The following N4BP1 variants were observed in gnomAD, a reference collection of about 807,000 sequenced individuals.
The protein encoded by N4BP1 is NEDD4-binding protein 1.
N4BP1 carries 21 observed loss-of-function variants against 70.9 expected under a neutral mutation model. The observed-to-expected ratio is 0.30, with a 90% confidence interval of 0.21 to 0.43. N4BP1 has a LOEUF of 0.43. N4BP1 is among the 20% of genes least tolerant of loss of function. N4BP1 has a pLI of 1.00. For synonymous variants in N4BP1, 387 were observed against 394.6 expected (o/e 0.98, Z 0.23); for missense variants, 936 against 1,069.4 (o/e 0.88, Z 1.74).
rs1964659667 is a variant in N4BP1, at chr16:48,609,985, C to G, written c.-13G>C. 8.4e-7 allele frequency: 1 copy of G among 1,192,492 alleles called. No homozygotes were observed. Among genetic ancestry groups the G allele is most frequent in the African/African-American group, 1.6e-5 (1 of 62,480 alleles). The allele number at this position is 1,192,492 out of a possible 1,614,324, so 73.9% of individuals were successfully genotyped here. On this transcript the variant is annotated 5_prime_UTR_variant, in exon 1 of 7. Coordinates refer to ENST00000262384, the MANE Select transcript of N4BP1 (RefSeq NM_153029.4). The stretch of plus-strand genomic sequence containing the variant: ...CCCGGGCCGCCATGGCGGGCGCGGC[C>G]TCCCGCGGCGGCGCCGGGGGCCGGC...
chr16:48,557,755 CT>C (rs1399396147), intron 2 of N4BP1, among the ~76,000 whole-genome samples: 2 of 152,100 alleles, frequency 1.3e-5, no homozygotes, highest in East Asian at 3.8e-4. Context: ...AATAGTGAGA[CT>C]TTACCTCTTA....
At chr16:48,609,679 C>G in intron 1 of N4BP1, 96 bp downstream of exon 1, 1 of 1,073,718 alleles carries the variant, frequency 9.3e-7, no homozygotes, top group Non-Finnish European at 1.2e-6. Flanking sequence ...CCAACCCAGG[C>G]GCATCGCGGC....
At position 48,540,959 on chromosome 16, in the gene N4BP1, G is replaced by C. The variant is rs1315731460; in HGVS notation, c.*1945C>G. ...TGAGCAATCCTTCCTTCCCATAGCC[G>C]AGAAAGGGAAAGGGGACAGGCCAAT... On this transcript the variant is annotated 3_prime_UTR_variant, in exon 7 of 7. Transcript: ENST00000262384. 1 of 152,198 alleles carries C rather than the reference G, an allele frequency of 6.6e-6. No homozygotes were observed. The highest frequency in any genetic ancestry group is 2.4e-5 in the African/African-American group (1 of 41,432). The allele number at this position is 152,198 out of a possible 1,614,324, so 9.4% of individuals were successfully genotyped here.
At chr16:48,557,595 A>C (rs1376685706) in intron 2 of N4BP1, among the ~76,000 whole-genome samples, 1 of 152,102 alleles carries the variant, frequency 6.6e-6, no homozygotes, top group Non-Finnish European at 1.5e-5. Flanking sequence ...AAAAATCTAA[A>C]CTGGCCACTG....
chr16:48,602,980 TCA>T (rs3055657), intron 1 of N4BP1, among the ~76,000 whole-genome samples: 3 of 151,176 alleles, frequency 2.0e-5, no homozygotes, highest in Non-Finnish European at 4.4e-5. Flanking sequence ...AAACCCTATC[TCA>T]CACACACACA....
At chr16:48,584,926 T>C (rs1318958861) in intron 1 of N4BP1, among the ~76,000 whole-genome samples, 1 of 152,164 alleles carries the variant, frequency 6.6e-6, no homozygotes, top group Non-Finnish European at 1.5e-5. Flanking sequence ...GTGTAGAATA[T>C]AATAAATCTA....
intron 1 of N4BP1, among the ~76,000 whole-genome samples, chr16:48,579,918 T>TATAC (rs1248523926): frequency 1.4e-4 from 21 of 151,932 alleles, no homozygotes; most frequent in African/African-American, 4.8e-4. Context: ...GTATAACAAC[T>TATAC]ATACATACAT....
intron 1 of N4BP1, among the ~76,000 whole-genome samples, chr16:48,583,413 T>A (rs115342068): frequency 0.017 from 2,547 of 152,272 alleles, 74 homozygotes; most frequent in African/African-American, 0.058. Context: ...GGGGAAGGGA[T>A]TCTGGAGATG....
chr16:48,543,137 A>G lies in N4BP1; in HGVS notation c.2458T>C (p.Ser820Pro), dbSNP rs778622949. ...GGCTGCTGAGGGAGCCAGTGGCTTGAAGGGGCTCCCTGAATCCGGGTCGGA... is the reference window on the plus strand; with the variant it reads ...GGCTGCTGAGGGAGCCAGTGGCTTGGAGGGGCTCCCTGAATCCGGGTCGGA... ...QPPTRIQGAP[S>P]SHWLPQQPHF... Residue 820 changes from serine (S) to proline (P), a missense_variant, in exon 7 of 7, where the codon TCA (serine) becomes CCA (proline). Around this residue, in one of 4 missense-constraint regions of N4BP1, gnomAD observed 229 missense variants for 343.5 expected, o/e 0.67. Transcript: ENST00000262384. 2 of 1,607,542 alleles carry G rather than the reference A, an allele frequency of 1.2e-6. No homozygotes were observed. Among genetic ancestry groups the G allele is most frequent in the Non-Finnish European group, 1.7e-6 (2 of 1,174,758 alleles).
chr16:48,569,372 T>C (rs994500207), intron 1 of N4BP1, among the ~76,000 whole-genome samples: 1 of 152,166 alleles, frequency 6.6e-6, no homozygotes, highest in Non-Finnish European at 1.5e-5. Flanking sequence ...AGTTCAGTTT[T>C]CAAAGCCCTG....
chr16:48,563,884 T>C (rs1963898552), intron 1 of N4BP1, among the ~76,000 whole-genome samples: 1 of 152,198 alleles, frequency 6.6e-6, no homozygotes, highest in Non-Finnish European at 1.5e-5. Flanking sequence ...ATTTCAAACA[T>C]TTAGCATTTC....
intron 1 of N4BP1, among the ~76,000 whole-genome samples, chr16:48,585,112 T>TA (rs1213130276): frequency 6.6e-6 from 1 of 151,924 alleles, no homozygotes; most frequent in African/African-American, 2.4e-5. Context: ...TTTTGTACTT[T>TA]TAGTAGAGAT....
In N4BP1 at chr16:48,571,687, C is replaced by A. The variant is rs144727801; in HGVS notation, c.199-9243G>T. On this transcript the variant is annotated intron_variant, in intron 1 of 6. Transcript: ENST00000262384. The stretch of plus-strand genomic sequence containing the variant: ...AAAGAAATCAGAATAGAAATGTGGG[C>A]AAATTAAGAATATGATGGCAAAAAT... 7.5e-3 allele frequency among the ~76,000 whole-genome samples: 1,134 copies of A among 151,518 alleles called. 11 individuals carry two copies. Among genetic ancestry groups the A allele is most frequent in the African/African-American group, 0.025 (1,041 of 41,302 alleles).
chr16:48,565,617 T>C (rs1450078243), intron 1 of N4BP1, among the ~76,000 whole-genome samples: 1 of 152,210 alleles, frequency 6.6e-6, no homozygotes, highest in Non-Finnish European at 1.5e-5. Context: ...TTGTCTGCGT[T>C]TACCATCAGA....
chr16:48,560,654 CT>C, intron 2 of N4BP1, 99 bp downstream of exon 2: 1 of 1,440,912 alleles, frequency 6.9e-7, no homozygotes. Flanking sequence ...TACAGATCAA[CT>C]ATATACAACA....
At chr16:48,560,030 AC>A (rs1963829570) in intron 2 of N4BP1, among the ~76,000 whole-genome samples, 1 of 152,052 alleles carries the variant, frequency 6.6e-6, no homozygotes, top group Non-Finnish European at 1.5e-5. Flanking sequence ...CCCAAATCAA[AC>A]AGCTGGTCCA....
chr16:48,568,029 C>T (rs1178175443), intron 1 of N4BP1, among the ~76,000 whole-genome samples: 3 of 152,146 alleles, frequency 2.0e-5, no homozygotes, highest in Admixed American at 6.5e-5. Flanking sequence ...ATTATTCAAA[C>T]TATCTAATCC....
chr16:48,585,383 T>C (rs934202778), intron 1 of N4BP1, among the ~76,000 whole-genome samples: 1 of 151,740 alleles, frequency 6.6e-6, no homozygotes, highest in Non-Finnish European at 1.5e-5. Context: ...ACATCTGTAA[T>C]CCCAGCAATT....
chr16:48,608,663 G>A (rs1964624180), intron 1 of N4BP1, among the ~76,000 whole-genome samples: 1 of 151,784 alleles, frequency 6.6e-6, no homozygotes, highest in Non-Finnish European at 1.5e-5. Flanking sequence ...GGAAAGGGGG[G>A]GAAGTAGATA....
Sources: allele counts gnomAD v4.1 joint callset (sites outside exome capture counted in the v4.1 genomes callset), GRCh38; gene constraint gnomAD v4.1.1; regional missense constraint gnomAD v4.1.1; transcripts MANE v1.5; gene names NCBI Gene and HGNC (gene_info 2026-07-23, HGNC 2026-07-21).